GTSF1: variants seen among roughly 807,000 people sequenced by gnomAD.
GTSF1 encodes the protein gametocyte specific factor 1.
In GTSF1, 11 loss-of-function variants were observed where a neutral mutation model predicts 28.9. The observed-to-expected ratio is 0.38, with a 90% CI of 0.24 to 0.63. The LOEUF (loss-of-function observed/expected upper bound fraction) is 0.63. Among genes scored for constraint, GTSF1 ranks in the 30% least tolerant of loss-of-function variants. The probability of loss-of-function intolerance (pLI) is 0.56; values close to 1 mark genes in which losing one functional copy is unlikely to be tolerated. For synonymous variants in GTSF1, 69 were observed against 65.6 expected, an observed-to-expected ratio of 1.05 and a Z score of -0.25; for missense variants, 146 against 201.0, an observed-to-expected ratio of 0.73 and a Z score of 1.66.
chr12:54,469,268 G>A (rs189428651), intron 2 of GTSF1, among the ~76,000 whole-genome samples: 1 of 152,062 alleles, frequency 6.6e-6, no homozygotes, highest in African/African-American at 2.4e-5. Context: ...TAGTAGAGAC[G>A]GGGTTTCACT....
chr12:54,470,002 C>T (rs915039788), intron 2 of GTSF1, among the ~76,000 whole-genome samples: 8 of 152,124 alleles, frequency 5.3e-5, no homozygotes, highest in Non-Finnish European at 1.0e-4. Context: ...GAAACCCGGC[C>T]GGTCTCTACT....
intron 8 of GTSF1, among the ~76,000 whole-genome samples, chr12:54,457,781 C>T (rs1403363645): frequency 6.7e-6 from 1 of 149,578 alleles, no homozygotes; most frequent in African/African-American, 2.5e-5. Context: ...TACCCCAGTG[C>T]TGGTGTATCT....
intron 4 of GTSF1, 73 bp downstream of exon 4, chr12:54,463,098 T>G (rs1438346104): frequency 1.3e-6 from 2 of 1,486,612 alleles, no homozygotes; most frequent in African/African-American, 2.8e-5. Flanking sequence ...AAAATCAAGC[T>G]GACAATCTAG....
chr12:54,465,191 A>T, intron 2 of GTSF1, 24 bp from the exon 3 acceptor site: 7 of 1,524,896 alleles, frequency 4.6e-6, no homozygotes, highest in Non-Finnish European at 6.4e-6. Context: ...GTGTTTCAGT[A>T]GGTAAAACGA....
intron 2 of GTSF1, among the ~76,000 whole-genome samples, chr12:54,468,016 C>A (rs559278196): frequency 6.6e-6 from 1 of 152,270 alleles, no homozygotes; most frequent in Non-Finnish European, 1.5e-5. Flanking sequence ...CTGCCTCAGC[C>A]TCCCAAAGTG....
At chr12:54,459,721 C>T (rs112384337) in intron 7 of GTSF1, 8,610 of 158,130 alleles carry the variant, frequency 0.054, 563 homozygotes, top group Admixed American at 0.093. Context: ...TGATATTATG[C>T]CTTTTTTTTT....
At chr12:54,459,429 A>C in intron 7 of GTSF1, 1 of 1,351,018 alleles carries the variant, frequency 7.4e-7, no homozygotes, top group Non-Finnish European at 9.7e-7. Flanking sequence ...ACAGTAGCAC[A>C]GACTGAAATC....
At chr12:54,468,128 GTA>G (rs1956547068) in intron 2 of GTSF1, among the ~76,000 whole-genome samples, 2 of 151,944 alleles carry the variant, frequency 1.3e-5, no homozygotes, top group South Asian at 4.1e-4. Context: ...GCATGTATGA[GTA>G]TTTCTTTTCT....
At chr12:54,459,564 T>G in intron 7 of GTSF1, 1 of 690,456 alleles carries the variant, frequency 1.4e-6, no homozygotes, top group South Asian at 1.8e-5. Context: ...AATTTAGTAC[T>G]TGTTTACCCA....
At chr12:54,463,739 T>C (rs567091681) in intron 3 of GTSF1, among the ~76,000 whole-genome samples, 24 of 152,324 alleles carry the variant, frequency 1.6e-4, no homozygotes, top group African/African-American at 5.1e-4. Flanking sequence ...GTCCCTGCTA[T>C]TGCAATACAA....
At chr12:54,468,216 G>A (rs2120791163) in intron 2 of GTSF1, among the ~76,000 whole-genome samples, 1 of 152,230 alleles carries the variant, frequency 6.6e-6, no homozygotes, top group East Asian at 1.9e-4. Flanking sequence ...TGCAACCTCT[G>A]CTTCCTGGGT....
chr12:54,456,894 G>A (rs1956340773), intron 8 of GTSF1, among the ~76,000 whole-genome samples: 1 of 152,064 alleles, frequency 6.6e-6, no homozygotes, highest in African/African-American at 2.4e-5. Context: ...AGACTGGCCT[G>A]GCCAACATGG....
chr12:54,457,088 A>G (rs1329932350), intron 8 of GTSF1, among the ~76,000 whole-genome samples: 1 of 152,190 alleles, frequency 6.6e-6, no homozygotes, highest in African/African-American at 2.4e-5. Context: ...TCCATCTCAA[A>G]AACAAAAAAC....
At position 54,463,182 on chromosome 12, in the gene GTSF1, TC is replaced by T; in HGVS notation, c.232del (p.Glu78SerfsTer59). ...ATACTAAGTCTTACCAACATCTTGCTCAATACAACTTCTGTCATCACAGCTT... is the reference window on the plus strand; with the variant it reads ...ATACTAAGTCTTACCAACATCTTGCTAATACAACTTCTGTCATCACAGCTT... ...ISSCDDRSCI[E>X]QDVVNQTRSL... On this transcript the variant is annotated frameshift_variant, in exon 4 of 9. Transcript: ENST00000305879. LOFTEE classifies it high-confidence loss of function. The T allele has an allele frequency of 1.2e-6, 2 of 1,613,814 alleles. No homozygotes were observed. Among genetic ancestry groups the T allele is most frequent in the Non-Finnish European group, 1.7e-6 (2 of 1,179,790 alleles).
At chr12:54,467,224 C>T (rs1266117715) in intron 2 of GTSF1, among the ~76,000 whole-genome samples, 1 of 151,972 alleles carries the variant, frequency 6.6e-6, no homozygotes, top group African/African-American at 2.4e-5. Context: ...CAGTCTTTTG[C>T]TTTTTGTGAC....
intron 2 of GTSF1, among the ~76,000 whole-genome samples, chr12:54,468,186 G>C (rs1230070827): frequency 1.3e-5 from 2 of 152,206 alleles, no homozygotes; most frequent in African/African-American, 4.8e-5. Flanking sequence ...GGACAGTGCA[G>C]TGGTGCGATC....
chr12:54,463,709 T>A (rs974640438), intron 3 of GTSF1, among the ~76,000 whole-genome samples: 1 of 152,212 alleles, frequency 6.6e-6, no homozygotes, highest in Non-Finnish European at 1.5e-5. Context: ...AAATACACTC[T>A]TAGTCTGCAT....
chr12:54,466,213 T>C (rs965048649), intron 2 of GTSF1, among the ~76,000 whole-genome samples: 2 of 152,226 alleles, frequency 1.3e-5, no homozygotes, highest in East Asian at 3.8e-4. Flanking sequence ...TGGTATATTA[T>C]GAAGACAAGA....
chr12:54,469,139 C>T (rs1046942728), intron 2 of GTSF1, among the ~76,000 whole-genome samples: 10 of 151,974 alleles, frequency 6.6e-5, no homozygotes, highest in Non-Finnish European at 1.3e-4. Context: ...AGTGCAGTGG[C>T]GTGATCTTGG....
Sources: allele counts gnomAD v4.1 joint callset (sites outside exome capture counted in the v4.1 genomes callset), GRCh38; gene constraint gnomAD v4.1.1; transcripts MANE v1.5; gene names NCBI Gene and HGNC (gene_info 2026-07-23, HGNC 2026-07-21).